Variants in GALNT13 observed in about 807,000 individuals in gnomAD.
GALNT13 encodes the protein UDP-GalNAc:polypeptide N-acetylgalactosaminyltransferase 13.
In GALNT13, 28 loss-of-function variants were observed where a neutral mutation model predicts 64.2. The ratio of observed to expected loss-of-function variants is 0.44; its 90% CI spans 0.32 to 0.60. GALNT13 has a LOEUF of 0.60. Among genes scored for constraint, GALNT13 ranks in the 20% least tolerant of loss-of-function variants. The pLI is 0.05. For synonymous variants in GALNT13, 214 were observed against 224.6 expected, an observed-to-expected ratio of 0.95 and a Z score of 0.42; for missense variants, 577 against 669.8, an observed-to-expected ratio of 0.86 and a Z score of 1.53.
the GALNT13 span, among the ~76,000 whole-genome samples, chr2:153,143,986 T>G: frequency 1.5e-4 from 23 of 152,018 alleles, no homozygotes; most frequent in African/African-American, 5.1e-4. Context: ...GCACTGGAGT[T>G]TCGGTCATCA....
chr2:153,307,871 T>G, the GALNT13 span, among the ~76,000 whole-genome samples: 3 of 152,150 alleles, frequency 2.0e-5, no homozygotes, highest in African/African-American at 7.2e-5. Context: ...TTATTAGTCC[T>G]ATCATCTATT....
the GALNT13 span, among the ~76,000 whole-genome samples, chr2:153,318,122 GTTTT>G: frequency 6.9e-6 from 1 of 144,838 alleles, no homozygotes; most frequent in African/African-American, 2.5e-5. Context: ...TATTAGGAGA[GTTTT>G]TTTTTTTTTT....
At chr2:154,173,622 A>G (rs1685487307) in intron 4 of GALNT13, among the ~76,000 whole-genome samples, 1 of 152,066 alleles carries the variant, frequency 6.6e-6, no homozygotes, top group African/African-American at 2.4e-5. Flanking sequence ...AACCCACACA[A>G]TGGGAGAAAC....
At chr2:153,877,226 G>T (rs1686440197) in intron 1 of GALNT13, among the ~76,000 whole-genome samples, 1 of 152,038 alleles carries the variant, frequency 6.6e-6, no homozygotes, top group Non-Finnish European at 1.5e-5. Flanking sequence ...TGTTAAGATA[G>T]ATGGGGGCTG....
the GALNT13 span, among the ~76,000 whole-genome samples, chr2:153,634,351 A>G: frequency 2.0e-5 from 3 of 152,166 alleles, no homozygotes; most frequent in East Asian, 1.9e-4. Context: ...AATGTAGTAC[A>G]TGTCTATTCA....
the GALNT13 span, among the ~76,000 whole-genome samples, chr2:153,109,811 G>T: frequency 1.8e-4 from 27 of 152,192 alleles, no homozygotes; most frequent in East Asian, 4.5e-3. Context: ...GTGTGCAGAA[G>T]GCAGGGTGGC....
chr2:154,049,679 C>T (rs1277706810), intron 3 of GALNT13, among the ~76,000 whole-genome samples: 1 of 151,612 alleles, frequency 6.6e-6, no homozygotes, highest in Non-Finnish European at 1.5e-5. Context: ...ATGGGATTTT[C>T]CACATACTTA....
the GALNT13 span, among the ~76,000 whole-genome samples, chr2:153,555,988 T>G: frequency 6.6e-6 from 1 of 152,244 alleles, no homozygotes; most frequent in Non-Finnish European, 1.5e-5. Context: ...CTATAAATTT[T>G]TATTATAATG....
the GALNT13 span, among the ~76,000 whole-genome samples, chr2:153,177,059 AAGG>A: frequency 6.6e-6 from 1 of 151,760 alleles, no homozygotes; most frequent in Non-Finnish European, 1.5e-5. Flanking sequence ...AAGAAGGAAT[AAGG>A]AGCATTTGGA....
the GALNT13 span, among the ~76,000 whole-genome samples, chr2:153,440,147 G>A: frequency 6.8e-6 from 1 of 148,040 alleles, no homozygotes; most frequent in Non-Finnish European, 1.5e-5. Flanking sequence ...TCCCCTCCCT[G>A]TGTCCATGTG....
intron 11 of GALNT13, among the ~76,000 whole-genome samples, chr2:154,426,660 C>G (rs1210408948): frequency 1.3e-5 from 2 of 152,128 alleles, no homozygotes; most frequent in African/African-American, 4.8e-5. Context: ...TTAGATTTCC[C>G]AAATTGTAGA....
chr2:153,172,411 C>T, the GALNT13 span, among the ~76,000 whole-genome samples: 1 of 152,172 alleles, frequency 6.6e-6, no homozygotes, highest in Non-Finnish European at 1.5e-5. Context: ...ATAGTGATTG[C>T]AGGGATGAAG....
At position 153,964,277 on chromosome 2, in the gene GALNT13, C is replaced by CA. The variant is rs574992083; in HGVS notation, c.142+19639dup. On this transcript the variant is annotated intron_variant, in intron 3 of 12. Transcript: ENST00000392825. ...CAACCTGGGCAACATGGCGAAAAGC[C>CA]ATCTCTACAAAAAATACAAAAATTA... 3.3e-5 allele frequency among the ~76,000 whole-genome samples: 5 copies of CA among 152,112 alleles called. No individual in the cohort carries two copies. In the South Asian group the frequency reaches 1.0e-3, roughly 32 times the overall value.
chr2:153,401,531 A>C, the GALNT13 span, among the ~76,000 whole-genome samples: 5 of 148,332 alleles, frequency 3.4e-5, no homozygotes, highest in African/African-American at 5.0e-5. Context: ...TGGGGTGTTA[A>C]AGTCTCCCAT....
At chr2:153,409,339 T>G in the GALNT13 span, among the ~76,000 whole-genome samples, 1 of 147,024 alleles carries the variant, frequency 6.8e-6, no homozygotes. Flanking sequence ...TATGTATATG[T>G]ATATATTCAT....
At chr2:153,342,560 A>C in the GALNT13 span, among the ~76,000 whole-genome samples, 1 of 152,354 alleles carries the variant, frequency 6.6e-6, no homozygotes, top group Non-Finnish European at 1.5e-5. Context: ...ATTTGACTTT[A>C]TCAAACACAT....
intron 4 of GALNT13, among the ~76,000 whole-genome samples, chr2:154,215,874 C>T (rs1464751457): frequency 2.0e-5 from 3 of 152,026 alleles, no homozygotes; most frequent in African/African-American, 4.8e-5. Context: ...TTTTGCTGTG[C>T]TTCAGAAGCC....
At chr2:154,152,934 C>G (rs988541708) in intron 4 of GALNT13, among the ~76,000 whole-genome samples, 1 of 152,184 alleles carries the variant, frequency 6.6e-6, no homozygotes, top group Non-Finnish European at 1.5e-5. Flanking sequence ...CTCAACTCAT[C>G]AAAGTCATTC....
intron 2 of GALNT13, among the ~76,000 whole-genome samples, chr2:153,931,753 G>T (rs1690535578): frequency 6.6e-6 from 1 of 152,112 alleles, no homozygotes; most frequent in Non-Finnish European, 1.5e-5. Context: ...CAGTTTGCTA[G>T]TATGTTGCTT....
Sources: allele counts gnomAD v4.1 joint callset (sites outside exome capture counted in the v4.1 genomes callset), GRCh38; gene constraint gnomAD v4.1.1; transcripts MANE v1.5; gene names NCBI Gene and HGNC (gene_info 2026-07-23, HGNC 2026-07-21).